Variants in KIAA0232 observed in about 807,000 individuals in gnomAD.
KIAA0232 encodes KIAA0232, also known as uncharacterized protein KIAA0232.
In KIAA0232, 27 loss-of-function variants were observed where a neutral mutation model predicts 122.0. That is an observed-to-expected ratio of 0.22 (90% CI 0.16 to 0.31). The LOEUF (loss-of-function observed/expected upper bound fraction) is 0.31, where lower values mean the gene tolerates loss of function less well. Among genes scored for constraint, KIAA0232 ranks in the 10% least tolerant of loss-of-function variants. The pLI is 1.00. For missense variants in KIAA0232, 1,551 were observed against 1,634.2 expected (o/e 0.95, Z 0.88); for synonymous variants, 613 against 587.6 (o/e 1.04, Z -0.63).
intron 7 of KIAA0232, chr4:6,866,139 A>C (rs905304140): frequency 2.7e-6 from 2 of 731,418 alleles, no homozygotes; most frequent in African/African-American, 3.8e-5. Flanking sequence ...TTATTGCCCC[A>C]TTTTTCATCC....
intron 2 of KIAA0232, among the ~76,000 whole-genome samples, chr4:6,812,327 G>T (rs568582007): frequency 1.3e-4 from 20 of 152,274 alleles, no homozygotes; most frequent in African/African-American, 4.8e-4. Context: ...ACTGTAGCTG[G>T]TGTGACTGAG....
chr4:6,788,074 T>TG (rs757504239), intron 1 of KIAA0232, among the ~76,000 whole-genome samples: 3 of 152,202 alleles, frequency 2.0e-5, no homozygotes, highest in Non-Finnish European at 4.4e-5. Context: ...GGTCTTACTC[T>TG]GTCACTCATG....
At chr4:6,818,688 A>C (rs745386871) in intron 2 of KIAA0232, among the ~76,000 whole-genome samples, 2 of 152,018 alleles carry the variant, frequency 1.3e-5, no homozygotes, top group African/African-American at 2.4e-5. Flanking sequence ...CAAACTACTA[A>C]TGTCATTTTT....
intron 4 of KIAA0232, among the ~76,000 whole-genome samples, chr4:6,842,732 C>T (rs921193930): frequency 2.6e-5 from 4 of 151,978 alleles, no homozygotes; most frequent in East Asian, 1.9e-4. Flanking sequence ...ATTACAGGCA[C>T]GTGCCACCAT....
At chr4:6,806,937 A>T (rs1346797679) in intron 2 of KIAA0232, among the ~76,000 whole-genome samples, 2 of 151,784 alleles carry the variant, frequency 1.3e-5, no homozygotes, top group Non-Finnish European at 2.9e-5. Flanking sequence ...TTTTAATAGA[A>T]GTCTGTTTAG....
intron 1 of KIAA0232, among the ~76,000 whole-genome samples, chr4:6,798,948 G>A (rs1448874158): frequency 2.0e-5 from 3 of 152,136 alleles, no homozygotes; most frequent in African/African-American, 7.2e-5. Context: ...TTGTTTCCTA[G>A]GGATGCTACA....
chr4:6,857,962 T>C (rs1720647984), intron 5 of KIAA0232, among the ~76,000 whole-genome samples: 1 of 152,186 alleles, frequency 6.6e-6, no homozygotes, highest in Admixed American at 6.5e-5. Context: ...CCTGTTTCAG[T>C]TGAAATAGCC....
In KIAA0232 at chr4:6,824,693, A is replaced by G. The variant is rs770376297; in HGVS notation, c.231+9A>G. 126 of 1,610,206 alleles carry G rather than the reference A, an allele frequency of 7.8e-5. No homozygotes were observed. The highest frequency in any genetic ancestry group is 1.0e-4 in the Non-Finnish European group (120 of 1,176,642). The stretch of plus-strand genomic sequence containing the variant: ...ACGACCTGCAGGAACAGGTATTTAC[A>G]TATTTTAAGTGTTTTCTGAAAACTG... On this transcript the variant is annotated intron_variant, in intron 3 of 9. Coordinates refer to ENST00000307659, the MANE Select transcript of KIAA0232 (RefSeq NM_014743.3).
intron 2 of KIAA0232, among the ~76,000 whole-genome samples, chr4:6,805,452 A>T (rs909180536): frequency 6.6e-6 from 1 of 152,184 alleles, no homozygotes; most frequent in African/African-American, 2.4e-5. Context: ...ATTGCTTCTT[A>T]CCTAAGTCCG....
intron 9 of KIAA0232, among the ~76,000 whole-genome samples, chr4:6,879,746 C>T (rs1321097332): frequency 6.6e-6 from 1 of 152,070 alleles, no homozygotes; most frequent in Admixed American, 6.6e-5. Context: ...AGAGTGTTGG[C>T]ACCTCTGCAT....
At position 6,822,554 on chromosome 4, in the gene KIAA0232, T is replaced by TTTACC. The variant is rs1718471211; in HGVS notation, c.-269-1628_-269-1624dup. Among the ~76,000 whole-genome samples, 14 of 152,276 alleles carry TTTACC rather than the reference T, an allele frequency of 9.2e-5. No homozygotes were observed. The South Asian group carries it at 2.9e-3, about 32-fold the overall frequency. ...TCATGCAAAAGTTGAGTTTAGGAGG[T>TTTACC]TTACCTTTCATTACATTAGTTTTCA... On this transcript the variant is annotated intron_variant, in intron 2 of 9. Coordinates refer to ENST00000307659, the MANE Select transcript of KIAA0232 (RefSeq NM_014743.3).
chr4:6,831,286 C>A (rs1208501308), intron 3 of KIAA0232, among the ~76,000 whole-genome samples: 1 of 152,056 alleles, frequency 6.6e-6, no homozygotes, highest in Non-Finnish European at 1.5e-5. Context: ...GAAGTCTTGA[C>A]CTCGTGATCC....
chr4:6,881,113 C>A lies in KIAA0232; in HGVS notation c.*147C>A. On this transcript the variant is annotated 3_prime_UTR_variant, in exon 10 of 10. Transcript: ENST00000307659. ...GGTAATAATTATCTTTCTCTTCTTG[C>A]TTATTTTAGAGTTGAGGACAGCTAT... The A allele has an allele frequency of 1.6e-6, 1 of 615,540 alleles. No homozygotes were observed. Among genetic ancestry groups the A allele is most frequent in the Non-Finnish European group, 2.5e-6 (1 of 397,828 alleles). 38.1% of individuals were successfully genotyped at this position (615,540 alleles called of 1,614,324 possible).
intron 3 of KIAA0232, among the ~76,000 whole-genome samples, chr4:6,829,609 T>G (rs976377822): frequency 6.6e-6 from 1 of 152,226 alleles, no homozygotes; most frequent in Non-Finnish European, 1.5e-5. Flanking sequence ...ACCTCGAAAG[T>G]AAGTATTAAG....
chr4:6,829,013 C>T (rs945460446), intron 3 of KIAA0232, among the ~76,000 whole-genome samples: 1 of 151,922 alleles, frequency 6.6e-6, no homozygotes, highest in Admixed American at 6.6e-5. Context: ...TGAGATTATG[C>T]ATCGACTTTA....
intron 4 of KIAA0232, among the ~76,000 whole-genome samples, chr4:6,844,032 T>G (rs6830602): frequency 6.7e-6 from 1 of 148,352 alleles, no homozygotes; most frequent in African/African-American, 2.5e-5. Flanking sequence ...CTCCGCCTCC[T>G]GGGTTCATGC....
chr4:6,836,658 C>G (rs982136533), intron 3 of KIAA0232, among the ~76,000 whole-genome samples: 1 of 149,452 alleles, frequency 6.7e-6, no homozygotes, highest in Non-Finnish European at 1.5e-5. Context: ...AACATGTGAA[C>G]AAAGGTCTCT....
rs1720911775 is a variant in KIAA0232 at position 6,862,189 on chromosome 4, G to A, written c.1807G>A (p.Gly603Arg). The A allele has an allele frequency of 4.3e-6, 7 of 1,614,150 alleles. No homozygotes were observed. The highest frequency in any genetic ancestry group is 5.9e-6 in the Non-Finnish European group (7 of 1,180,028). ...TTCATCCAGCTCCGGTGATGCTGAT[G>A]GGGAGAGTTTTGGAGGAGACTCTCC... The part of the protein sequence containing the change: ...CCSSSSGDAD[G>R]ESFGGDSPVR... The change falls in exon 7 of 10, where the codon GGG (glycine) becomes AGG (arginine). Residue 603 changes from glycine to arginine, a missense_variant. Around this residue, in one of 5 missense-constraint regions of KIAA0232, gnomAD observed 1,108 missense variants for 1,154.8 expected, o/e 0.96. Transcript: ENST00000307659.
intron 1 of KIAA0232, among the ~76,000 whole-genome samples, chr4:6,799,342 A>T (rs1717274810): frequency 6.6e-6 from 1 of 150,522 alleles, no homozygotes; most frequent in Admixed American, 6.7e-5. Context: ...CCCTGTTTTC[A>T]AATAAGGTAA....
Sources: gnomAD v4.1 joint callset for allele counts (sites outside exome capture counted in the v4.1 genomes callset) on GRCh38, gnomAD v4.1.1 for gene constraint, gnomAD v4.1.1 regional missense constraint, MANE v1.5 for transcripts, NCBI Gene and HGNC (gene_info 2026-07-23, HGNC 2026-07-21) for gene names.